ACLY: variants seen among roughly 807,000 people sequenced by gnomAD.
ACLY encodes ATP citrate lyase.
A neutral mutation model predicts 133.0 loss-of-function variants in ACLY; 41 were observed. The ratio of observed to expected loss-of-function variants is 0.31; its 90% CI spans 0.24 to 0.40. The LOEUF is 0.40. Ranked by LOEUF, ACLY falls within the 10% of genes least tolerant of loss-of-function variation. The probability of loss-of-function intolerance (pLI) is 1.00; values close to 1 mark genes in which losing one functional copy is unlikely to be tolerated. For missense variants in ACLY, 1,046 were observed against 1,453.8 expected, an observed-to-expected ratio of 0.72 and a Z score of 4.56; for synonymous variants, 495 against 549.3, an observed-to-expected ratio of 0.90 and a Z score of 1.38.
intron 14 of ACLY, among the ~76,000 whole-genome samples, chr17:41,896,223 C>A (rs1486508555): frequency 6.6e-6 from 1 of 152,102 alleles, no homozygotes; most frequent in African/African-American, 2.4e-5. Context: ...CCTTCTGCAC[C>A]CCAGCAGTGA....
intron 1 of ACLY, among the ~76,000 whole-genome samples, chr17:41,926,719 C>T (rs2050247666): frequency 6.6e-6 from 1 of 151,986 alleles, no homozygotes; most frequent in African/African-American, 2.4e-5. Context: ...GAACTCCTGA[C>T]CTCAGGTGAT....
rs781890934 is a variant in ACLY, at chr17:41,869,521, G to A, written c.3004C>T (p.Pro1002Ser). 3.1e-6 allele frequency: 5 copies of A among 1,614,170 alleles called. No homozygotes were observed. Among genetic ancestry groups the A allele is most frequent in the South Asian group, 1.1e-5 (1 of 91,070 alleles). Reference sequence around the variant, plus strand: ...ACTTCCAGTGCATAATCGAGCAGAGGAGTGGCAGGGAAGTGCTGCCTGACG... The same window carrying A: ...ACTTCCAGTGCATAATCGAGCAGAGAAGTGGCAGGGAAGTGCTGCCTGACG... ...DYVRQHFPATPLLDYALEVEK... is the reference protein window; with the variant it reads ...DYVRQHFPATSLLDYALEVEK... Residue 1002 changes from proline (P) to serine (S), a missense_variant, in exon 26 of 29, where the codon CCT (proline) becomes TCT (serine). Pro to Ser is a moderately conservative substitution (Grantham distance 74). Around this residue, in one of 4 missense-constraint regions of ACLY, gnomAD observed 205 missense variants for 373.3 expected, o/e 0.55. Transcript: ENST00000352035.
chr17:41,913,746 A>C lies in ACLY; in HGVS notation c.128T>G (p.Leu43Trp). 1 of 1,614,240 alleles carries C rather than the reference A, an allele frequency of 6.2e-7. No homozygotes were observed. The highest frequency in any genetic ancestry group is 1.3e-5 in the African/African-American group (1 of 75,080). ...GAGCAGCCAGGGGTGGTCCTGCAGC[A>C]AGCGGGCCCAGTCTGTGTCAGGAGT... is the stretch of plus-strand genomic sequence containing the variant. ...RVTPDTDWARLLQDHPWLLSQ... is the reference protein window; with the variant it reads ...RVTPDTDWARWLQDHPWLLSQ... The change falls in exon 2 of 29, where the codon TTG (leucine) becomes TGG (tryptophan). Residue 43 changes from leucine (L) to tryptophan (W), a missense_variant. Physicochemically the swap from Leu to Trp is moderately conservative, Grantham distance 61. Around this residue, in one of 4 missense-constraint regions of ACLY, gnomAD observed 227 missense variants for 245.6 expected, o/e 0.92. Transcript: ENST00000352035.
intron 1 of ACLY, among the ~76,000 whole-genome samples, chr17:41,929,143 A>G (rs1555636315): frequency 6.9e-6 from 1 of 145,608 alleles, no homozygotes; most frequent in African/African-American, 2.6e-5. Context: ...TACACAGGCT[A>G]CAATGCAGTG....
At chr17:41,909,390 G>A (rs2049826951) in intron 5 of ACLY, 120 bp downstream of exon 5, 5 of 1,108,504 alleles carry the variant, frequency 4.5e-6, no homozygotes, top group Non-Finnish European at 6.6e-6. Flanking sequence ...CCTCAGGACA[G>A]GGCCGTGTCT....
At chr17:41,910,486 G>A (rs1225233895) in intron 3 of ACLY, among the ~76,000 whole-genome samples, 1 of 152,240 alleles carries the variant, frequency 6.6e-6, no homozygotes, top group Non-Finnish European at 1.5e-5. Flanking sequence ...TTGCTCTGGT[G>A]CGGGCTGTGC....
chr17:41,907,687 C>T (rs759162150), intron 6 of ACLY, 115 bp from the exon 7 acceptor site: 4 of 1,216,612 alleles, frequency 3.3e-6, no homozygotes, highest in Non-Finnish European at 3.4e-6. Flanking sequence ...CCTCAGAACT[C>T]TCTAAGCTCA....
chr17:41,915,727 C>A (rs548057433), intron 1 of ACLY, among the ~76,000 whole-genome samples: 9 of 152,248 alleles, frequency 5.9e-5, no homozygotes, highest in African/African-American at 1.7e-4. Flanking sequence ...CTCCACCCCC[C>A]ACCCACTGCT....
intron 14 of ACLY, among the ~76,000 whole-genome samples, chr17:41,893,504 G>C (rs1021580214): frequency 6.6e-6 from 1 of 152,202 alleles, no homozygotes; most frequent in African/African-American, 2.4e-5. Context: ...CCCAGGCAAG[G>C]TGTGTCATCA....
At chr17:41,912,366 A>T (rs1380450728) in intron 3 of ACLY, 54 bp downstream of exon 3, 6 of 1,595,794 alleles carry the variant, frequency 3.8e-6, no homozygotes, top group Non-Finnish European at 5.1e-6. Context: ...CCTGGAGGTG[A>T]CCATATTTGC....
intron 1 of ACLY, 121 bp downstream of exon 1, chr17:41,918,759 C>G (rs919413733): frequency 8.3e-7 from 1 of 1,200,238 alleles, no homozygotes; most frequent in Non-Finnish European, 1.1e-6. Context: ...TCAAAACTTC[C>G]GAGCAGGGCG....
In ACLY at chr17:41,918,911, C is replaced by A; in HGVS notation, c.-55G>T. 7.8e-7 allele frequency: 1 copy of A among 1,288,916 alleles called. No homozygotes were observed. The highest frequency in any genetic ancestry group is 1.0e-6 in the Non-Finnish European group (1 of 988,548). 79.8% of individuals were successfully genotyped at this position (1,288,916 alleles called of 1,614,324 possible). On this transcript the variant is annotated 5_prime_UTR_variant, in exon 1 of 29. Coordinates refer to ENST00000352035, the MANE Select transcript of ACLY (RefSeq NM_001096.3). ...CGAAGTCCGTGCGCGGCGCTTCTTC[C>A]ACAGGCCCGACGAACCCCGCAAAAT...
chr17:41,903,375 C>T (rs2049592098), intron 10 of ACLY, among the ~76,000 whole-genome samples: 1 of 152,158 alleles, frequency 6.6e-6, no homozygotes, highest in Admixed American at 6.5e-5. Context: ...GTTGAGAAGA[C>T]CCCAGTAGGA....
chr17:41,912,561 G>A lies in ACLY; in HGVS notation c.160-19C>T, dbSNP rs556293321. Reference sequence around the variant, plus strand: ...CCAAGTTCTGGAACAAAAGCGGTTTGTATTTAGAGTGAGGAAGAATTAGAT... The same window carrying A: ...CCAAGTTCTGGAACAAAAGCGGTTTATATTTAGAGTGAGGAAGAATTAGAT... On this transcript the variant is annotated intron_variant, in intron 2 of 28. Transcript: ENST00000352035. 2.5e-6 allele frequency: 4 copies of A among 1,613,918 alleles called. No homozygotes were observed. In the East Asian group the frequency reaches 6.7e-5, roughly 27 times the overall value.
At chr17:41,902,719 C>T (rs1205172552) in intron 10 of ACLY, among the ~76,000 whole-genome samples, 1 of 152,222 alleles carries the variant, frequency 6.6e-6, no homozygotes, top group African/African-American at 2.4e-5. Flanking sequence ...TACAGGGCAG[C>T]TCAGAAGTTA....
intron 20 of ACLY, among the ~76,000 whole-genome samples, chr17:41,881,897 CTT>C (rs1357243621): frequency 6.6e-6 from 1 of 152,226 alleles, no homozygotes; most frequent in Non-Finnish European, 1.5e-5. Flanking sequence ...TACACACACA[CTT>C]TACACAAAAT....
At chr17:41,871,569 G>A in intron 25 of ACLY, 120 bp downstream of exon 25, 24 of 1,198,402 alleles carry the variant, frequency 2.0e-5, no homozygotes, top group Non-Finnish European at 2.9e-5. Context: ...TGGTCAGGCT[G>A]GTCTCCAACT....
intron 18 of ACLY, among the ~76,000 whole-genome samples, chr17:41,884,752 G>A (rs950553580): frequency 2.6e-5 from 4 of 152,166 alleles, no homozygotes; most frequent in African/African-American, 7.2e-5. Context: ...AGGTGTGGTC[G>A]TGGGCGCCTG....
At chr17:41,896,831 A>G (rs1046743243) in intron 13 of ACLY, among the ~76,000 whole-genome samples, 182 bp from the exon 14 acceptor site, 1 of 152,228 alleles carries the variant, frequency 6.6e-6, no homozygotes, top group Non-Finnish European at 1.5e-5. Flanking sequence ...GAAAGCACCG[A>G]TGAGCAGAAT....
Sources: allele counts gnomAD v4.1 joint callset (sites outside exome capture counted in the v4.1 genomes callset), GRCh38; gene constraint gnomAD v4.1.1; regional missense constraint gnomAD v4.1.1; transcripts MANE v1.5; gene names NCBI Gene and HGNC (gene_info 2026-07-23, HGNC 2026-07-21).